Variants in SCOC observed in about 807,000 individuals in gnomAD.
SCOC encodes the protein short coiled-coil protein, also known as short coiled coil protein.
Under a neutral mutation model 9.9 loss-of-function variants are expected in SCOC, and 7 were observed. The observed-to-expected ratio is 0.71, with a 90% CI of 0.40 to 1.33. The LOEUF (loss-of-function observed/expected upper bound fraction) is 1.33, where lower values mean the gene tolerates loss of function less well. Ranked by LOEUF, SCOC falls within the 40% of genes most tolerant of loss-of-function variation. The pLI, the probability that SCOC is intolerant of heterozygous loss-of-function variation, is 0.01. For synonymous variants in SCOC, 19 were observed against 28.2 expected, an observed-to-expected ratio of 0.67 and a Z score of 1.03; for missense variants, 66 against 89.7, an observed-to-expected ratio of 0.74 and a Z score of 1.07.
chr4:140,380,194 C>CTTTTTTTTTTTTT (rs993271002), intron 3 of SCOC, among the ~76,000 whole-genome samples: 83 of 108,402 alleles, frequency 7.7e-4, no homozygotes, highest in East Asian at 1.6e-3. Flanking sequence ...TTTTCTTTTT[C>CTTTTTTTTTTTTT]TTTTTTTTTT....
At chr4:140,261,183 T>A (rs1730625246) in intron 1 of SCOC, among the ~76,000 whole-genome samples, 1 of 152,172 alleles carries the variant, frequency 6.6e-6, no homozygotes, top group South Asian at 2.1e-4. Context: ...TTGTAGACAT[T>A]ATATATGTTT....
rs373927521 is a variant in SCOC at position 140,337,148 on chromosome 4, A to G, written c.-18-6473A>G. On this transcript the variant is annotated intron_variant, in intron 1 of 4. Coordinates refer to the SCOC transcript ENST00000394205. Reference sequence around the variant, plus strand: ...ATATGCTGAATATTAAACCCTTAGCAGATATGTGATTTGCAAATATTTTTT... The same window carrying G: ...ATATGCTGAATATTAAACCCTTAGCGGATATGTGATTTGCAAATATTTTTT... Among the ~76,000 whole-genome samples, 3 of 152,340 alleles carry G rather than the reference A, an allele frequency of 2.0e-5. 1 individual carries two copies. The highest frequency in any genetic ancestry group is 2.0e-4 in the Admixed American group (3 of 15,298).
In SCOC at chr4:140,383,578, C is replaced by G. The variant is rs1380039904; in HGVS notation, c.*2474C>G. 1 of 152,184 alleles carries G rather than the reference C, an allele frequency of 6.6e-6. No individual in the cohort carries two copies. The highest frequency in any genetic ancestry group is 6.5e-5 in the Admixed American group (1 of 15,274). 9.4% of individuals were successfully genotyped at this position (152,184 alleles called of 1,614,324 possible). A position where few individuals can be genotyped will look rare whatever the true frequency, so the allele number is the denominator to read the frequency against. On this transcript the variant is annotated 3_prime_UTR_variant, in exon 4 of 4. Transcript: ENST00000608372. Reference sequence around the variant, plus strand: ...ATTCTGATCTCTGGCAGGGGACTCCCTTGTTCATTGAACTCCATGGTTTCC... The same window carrying G: ...ATTCTGATCTCTGGCAGGGGACTCCGTTGTTCATTGAACTCCATGGTTTCC...
intron 2 of SCOC, among the ~76,000 whole-genome samples, chr4:140,365,161 T>G (rs1406236573): frequency 8.1e-6 from 1 of 122,700 alleles, no homozygotes; most frequent in Non-Finnish European, 1.6e-5. Context: ...TCATGAAAGA[T>G]ATGGATATGG....
Position 140,379,646 on chromosome 4 carries a change from C to T in SCOC, c.100C>T (p.Leu34Phe). ...TCAAGTGTTGGAACTCCAACACACA[C>T]TTGAAGGTTGGCTTGCATTTTGTAG... ...INQVLELQHT[L>F]EDLSARVDAV... Residue 34 changes from leucine (L) to phenylalanine (F), a missense_variant, in exon 3 of 4, where the codon CTT becomes TTT. Coordinates refer to ENST00000608372, the MANE Select transcript of SCOC (RefSeq NM_001153484.2). The T allele has an allele frequency of 6.2e-7, 1 of 1,604,762 alleles. No individual in the cohort carries two copies. The highest frequency in any genetic ancestry group is 8.5e-7 in the Non-Finnish European group (1 of 1,175,604).
chr4:140,313,306 C>T (rs960120914), intron 1 of SCOC, among the ~76,000 whole-genome samples: 7 of 152,144 alleles, frequency 4.6e-5, no homozygotes, highest in Non-Finnish European at 8.8e-5. Flanking sequence ...AGTGCAATGG[C>T]GCGATCTAGC....
intron 1 of SCOC, chr4:140,285,250 T>C: frequency 2.2e-6 from 1 of 456,782 alleles, no homozygotes; most frequent in Non-Finnish European, 4.4e-6. Flanking sequence ...CATATCCTTG[T>C]AATCAGGAGC....
intron 1 of SCOC, among the ~76,000 whole-genome samples, chr4:140,281,191 C>T (rs1040538535): frequency 2.0e-5 from 3 of 151,578 alleles, no homozygotes; most frequent in East Asian, 2.0e-4. Context: ...GAGGAAGAGG[C>T]GAGGTGGCAC....
chr4:140,344,206 T>C (rs1027829295), intron 2 of SCOC, among the ~76,000 whole-genome samples: 1 of 152,202 alleles, frequency 6.6e-6, no homozygotes, highest in African/African-American at 2.4e-5. Context: ...TCTAAAATGC[T>C]GATGGAAAGG....
At position 140,262,759 on chromosome 4, in the gene SCOC, C is replaced by T. The variant is rs148393452; in HGVS notation, c.-19+5349C>T. 7.5e-3 allele frequency among the ~76,000 whole-genome samples: 1,147 copies of T among 152,034 alleles called. 8 individuals are homozygous for T. The highest frequency in any genetic ancestry group is 0.026 in the African/African-American group (1,084 of 41,454). ...GCTTGGCTGGGGAGGCCTCAGGAAA[C>T]TTACAATTATGGCGGAGGGGCGAAG... On this transcript the variant is annotated intron_variant, in intron 1 of 4. Coordinates refer to the SCOC transcript ENST00000394205.
intron 1 of SCOC, among the ~76,000 whole-genome samples, chr4:140,322,922 C>T (rs1057464014): frequency 2.6e-5 from 4 of 152,042 alleles, no homozygotes; most frequent in East Asian, 3.9e-4. Flanking sequence ...CCGCCATGCC[C>T]ACCACAGGCC....
chr4:140,300,915 A>G (rs1261517216), intron 1 of SCOC, among the ~76,000 whole-genome samples: 3 of 152,206 alleles, frequency 2.0e-5, no homozygotes, highest in East Asian at 1.9e-4. Flanking sequence ...CACCTCCTCA[A>G]TGGCAGTGAC....
At chr4:140,368,325 C>G (rs1243373075) in intron 2 of SCOC, among the ~76,000 whole-genome samples, 1 of 152,136 alleles carries the variant, frequency 6.6e-6, no homozygotes, top group African/African-American at 2.4e-5. Flanking sequence ...TAGCTTTATT[C>G]TAAGCAACAT....
chr4:140,350,184 T>C (rs1371877251), intron 2 of SCOC, among the ~76,000 whole-genome samples: 1 of 152,198 alleles, frequency 6.6e-6, no homozygotes, highest in African/African-American at 2.4e-5. Context: ...CTTTCCCTGA[T>C]CTTCCCAGGC....
chr4:140,262,204 G>T (rs1407606433), intron 1 of SCOC, among the ~76,000 whole-genome samples: 1 of 152,098 alleles, frequency 6.6e-6, no homozygotes, highest in South Asian at 2.1e-4. Flanking sequence ...TTTTGTACTA[G>T]ACTAGTGCCT....
upstream of SCOC, among the ~76,000 whole-genome samples, chr4:140,339,431 A>G (rs1445604096): frequency 1.2e-3 from 179 of 152,278 alleles, 3 homozygotes; most frequent in African/African-American, 4.2e-3. Flanking sequence ...AATGGCAACT[A>G]AAGCCAAAAT....
chr4:140,302,525 G>T (rs576013329), intron 1 of SCOC, among the ~76,000 whole-genome samples: 1 of 152,302 alleles, frequency 6.6e-6, no homozygotes, highest in African/African-American at 2.4e-5. Context: ...AGAGTTAGTT[G>T]ACAATCTGAG....
intron 2 of SCOC, among the ~76,000 whole-genome samples, chr4:140,359,794 G>T (rs1003075422): frequency 2.6e-5 from 4 of 152,118 alleles, no homozygotes; most frequent in Non-Finnish European, 5.9e-5. Context: ...CAGATGCTTT[G>T]TACTCTCTCT....
intron 2 of SCOC, 123 bp downstream of exon 2, chr4:140,379,315 A>G (rs1056582876): frequency 3.8e-5 from 29 of 768,312 alleles, no homozygotes; most frequent in Non-Finnish European, 5.5e-5. Flanking sequence ...TTACTTATTT[A>G]TATCTCATCT....
Sources: allele counts gnomAD v4.1 joint callset (sites outside exome capture counted in the v4.1 genomes callset), GRCh38; gene constraint gnomAD v4.1.1; transcripts MANE v1.5; gene names NCBI Gene and HGNC (gene_info 2026-07-23, HGNC 2026-07-21).